The following LAPTM4B variants were observed in gnomAD, a reference collection of about 807,000 sequenced individuals.
The protein encoded by LAPTM4B is lysosomal protein transmembrane 4 beta, also known as lysosomal-associated transmembrane protein 4B.
LAPTM4B carries 26 observed loss-of-function variants against 28.5 expected under a neutral mutation model. The observed-to-expected ratio is 0.91, with a 90% CI of 0.67 to 1.27. The LOEUF is 1.27. Ranked by LOEUF, LAPTM4B falls within the 50% of genes most tolerant of loss-of-function variation. The pLI is 0.00. For synonymous variants in LAPTM4B, 109 were observed against 106.4 expected, an observed-to-expected ratio of 1.02 and a Z score of -0.15; for missense variants, 288 against 285.8, an observed-to-expected ratio of 1.01 and a Z score of -0.06.
intron 4 of LAPTM4B, among the ~76,000 whole-genome samples, chr8:97,817,528 A>T (rs552354914): frequency 4.8e-5 from 7 of 147,082 alleles, no homozygotes; most frequent in Non-Finnish European, 1.0e-4. Flanking sequence ...GCTCACTGCA[A>T]CCTCCGCCTC....
intron 6 of LAPTM4B, among the ~76,000 whole-genome samples, chr8:97,829,598 G>C (rs539918350): frequency 3.3e-5 from 5 of 152,248 alleles, no homozygotes; most frequent in African/African-American, 1.2e-4. Flanking sequence ...TGGAATTGAT[G>C]TAGGGAGATA....
intron 2 of LAPTM4B, 60 bp downstream of exon 2, chr8:97,805,524 A>G: frequency 1.1e-6 from 1 of 890,676 alleles, no homozygotes; most frequent in South Asian, 1.4e-5. Context: ...AGCACTTCCT[A>G]TTAAATTACA....
chr8:97,776,188 G>C, intron 1 of LAPTM4B, 80 bp downstream of exon 1: 1 of 1,394,316 alleles, frequency 7.2e-7, no homozygotes, highest in East Asian at 2.9e-5. Flanking sequence ...CTCGCGGTGG[G>C]GTGAGGCGTG....
chr8:97,825,310 C>T (rs1381432269), intron 6 of LAPTM4B, among the ~76,000 whole-genome samples, 157 bp downstream of exon 6: 1 of 152,166 alleles, frequency 6.6e-6, no homozygotes, highest in Non-Finnish European at 1.5e-5. Context: ...TCAAAATACT[C>T]ATTTAACTAT....
At chr8:97,821,408 G>A (rs1816999130) in intron 5 of LAPTM4B, among the ~76,000 whole-genome samples, 1 of 152,124 alleles carries the variant, frequency 6.6e-6, no homozygotes, top group Non-Finnish European at 1.5e-5. Flanking sequence ...TCAGAGGAAT[G>A]AGACAAGACA....
intron 6 of LAPTM4B, among the ~76,000 whole-genome samples, chr8:97,839,445 G>A (rs868599221): frequency 6.6e-6 from 1 of 152,042 alleles, no homozygotes; most frequent in Non-Finnish European, 1.5e-5. Context: ...CGCCTGCCTC[G>A]GCCTCCCAAA....
At chr8:97,800,900 C>T (rs1459770851) in intron 1 of LAPTM4B, among the ~76,000 whole-genome samples, 1 of 152,000 alleles carries the variant, frequency 6.6e-6, no homozygotes, top group Admixed American at 6.6e-5. Context: ...TCACTTGAGC[C>T]TGAGAGTTCA....
At chr8:97,845,543 C>T (rs1033341174) in intron 6 of LAPTM4B, among the ~76,000 whole-genome samples, 1 of 152,128 alleles carries the variant, frequency 6.6e-6, no homozygotes, top group African/African-American at 2.4e-5. Flanking sequence ...GTCATCTGGG[C>T]ATTGATTTCC....
At chr8:97,811,149 A>G (rs1038272333) in intron 2 of LAPTM4B, among the ~76,000 whole-genome samples, 1 of 152,200 alleles carries the variant, frequency 6.6e-6, no homozygotes, top group Non-Finnish European at 1.5e-5. Flanking sequence ...GGAACTCTCA[A>G]ATCACGGCTG....
At chr8:97,800,484 CTTTTTTTTTTTTT>C (rs546425169) in intron 1 of LAPTM4B, among the ~76,000 whole-genome samples, 2 of 69,318 alleles carry the variant, frequency 2.9e-5, no homozygotes, top group African/African-American at 7.5e-5. Context: ...CCCTTGACCT[CTTTTTTTTTTTTT>C]TTTTTTTTTT....
At chr8:97,847,966 A>G (rs138442988) in intron 6 of LAPTM4B, among the ~76,000 whole-genome samples, 1 of 152,336 alleles carries the variant, frequency 6.6e-6, no homozygotes, top group East Asian at 1.9e-4. Context: ...AAAGACTATC[A>G]AGATATTAAA....
Position 97,800,484 on chromosome 8 carries a change from C to CTTTTTTT in LAPTM4B, c.100-4848_100-4842dup, listed in dbSNP as rs546425169. Among the ~76,000 whole-genome samples the CTTTTTTT allele has an allele frequency of 1.2e-4, 8 of 69,326 alleles. 2 individuals are homozygous for CTTTTTTT. The highest frequency in any genetic ancestry group is 6.0e-4 in the African/African-American group (8 of 13,392). 45.5% of individuals were successfully genotyped at this position (69,326 alleles called of 152,430 possible). ...CTTCTGTAATATTACCCCTTGACCTCTTTTTTTTTTTTTTTTTTTTTTTTT... is the reference window on the plus strand; with the variant it reads ...CTTCTGTAATATTACCCCTTGACCTCTTTTTTTTTTTTTTTTTTTTTTTTTTTTTTTT... On this transcript the variant is annotated intron_variant, in intron 1 of 6. Transcript: ENST00000521545.
chr8:97,794,243 G>C (rs781304293), intron 1 of LAPTM4B, among the ~76,000 whole-genome samples: 17 of 152,300 alleles, frequency 1.1e-4, no homozygotes, highest in Admixed American at 2.6e-4. Flanking sequence ...GCCTCCCAAA[G>C]TGGTGGGATT....
intron 6 of LAPTM4B, among the ~76,000 whole-genome samples, chr8:97,834,341 A>G (rs1053342559): frequency 1.3e-5 from 2 of 152,120 alleles, no homozygotes; most frequent in Non-Finnish European, 2.9e-5. Context: ...TATGTTGAAA[A>G]GTACAACCAT....
chr8:97,800,904 G>A lies in LAPTM4B; in HGVS notation c.100-4449G>A, dbSNP rs527357467. ...GGGCAGGAGGATCACTTGAGCCTGAGAGTTCAAGACCAGTCTGGGCAACAT... is the reference window on the plus strand; with the variant it reads ...GGGCAGGAGGATCACTTGAGCCTGAAAGTTCAAGACCAGTCTGGGCAACAT... On this transcript the variant is annotated intron_variant, in intron 1 of 6. Coordinates refer to ENST00000521545, the MANE Select transcript of LAPTM4B (RefSeq NM_018407.6). 6.6e-4 allele frequency among the ~76,000 whole-genome samples: 100 copies of A among 152,078 alleles called. 3 individuals are homozygous for A. The highest frequency in any genetic ancestry group is 4.7e-4 in the Non-Finnish European group (32 of 68,002).
At chr8:97,834,647 G>T (rs1217720918) in intron 6 of LAPTM4B, among the ~76,000 whole-genome samples, 1 of 152,010 alleles carries the variant, frequency 6.6e-6, no homozygotes, top group East Asian at 1.9e-4. Context: ...ATGCACCTGG[G>T]CCTCAAACTT....
intron 1 of LAPTM4B, among the ~76,000 whole-genome samples, chr8:97,786,856 A>G (rs1816411157): frequency 6.6e-6 from 1 of 152,152 alleles, no homozygotes; most frequent in Admixed American, 6.5e-5. Context: ...TGCAAAACTG[A>G]AGGTGAGCCA....
chr8:97,818,946 T>A (rs1183538111), intron 4 of LAPTM4B, among the ~76,000 whole-genome samples, 194 bp from the exon 5 acceptor site: 1 of 152,038 alleles, frequency 6.6e-6, no homozygotes, highest in African/African-American at 2.4e-5. Context: ...ATACAAAATG[T>A]CCCTGGATAC....
intron 6 of LAPTM4B, among the ~76,000 whole-genome samples, chr8:97,826,658 A>C (rs1206871948): frequency 5.3e-5 from 8 of 152,082 alleles, no homozygotes; most frequent in Admixed American, 4.6e-4. Flanking sequence ...ATAGGTGCCC[A>C]CCACCACGCC....
Sources: allele counts gnomAD v4.1 joint callset (sites outside exome capture counted in the v4.1 genomes callset), GRCh38; gene constraint gnomAD v4.1.1; transcripts MANE v1.5; gene names NCBI Gene and HGNC (gene_info 2026-07-23, HGNC 2026-07-21).